The following COL4A6 variants were observed in gnomAD, a reference collection of about 807,000 sequenced individuals.
The protein encoded by COL4A6 is collagen alpha-6(IV) chain.
Under a neutral mutation model 126.7 loss-of-function variants are expected in COL4A6, and 59 were observed. That is an observed-to-expected ratio of 0.47 (90% confidence interval 0.38 to 0.58). COL4A6 has a LOEUF of 0.58. COL4A6 is among the 20% of genes least tolerant of loss of function. The probability of loss-of-function intolerance (pLI) is 0.00; values close to 1 mark genes in which losing one functional copy is unlikely to be tolerated. For missense variants in COL4A6, 1,285 were observed against 1,337.3 expected, an observed-to-expected ratio of 0.96 and a Z score of 0.61; for synonymous variants, 547 against 496.6, an observed-to-expected ratio of 1.10 and a Z score of -1.35.
At chrX:108,245,001 A>AC (rs762602867) in intron 3 of COL4A6, among the ~76,000 whole-genome samples, 7 of 112,416 alleles carry the variant, frequency 6.2e-5, no homozygotes, top group Non-Finnish European at 9.4e-5. Context: ...TCTTGCAAAC[A>AC]ACAACTTGGC....
intron 3 of COL4A6, among the ~76,000 whole-genome samples, chrX:108,284,459 TGAAAAA>T (rs960882264): frequency 1.3e-4 from 14 of 110,864 alleles, no homozygotes; most frequent in South Asian, 3.8e-4. Flanking sequence ...TAAAGTATAA[TGAAAAA>T]GAAAAAGAAA....
At chrX:108,383,698 G>A (rs2040615611) in intron 2 of COL4A6, 1 of 505,073 alleles carries the variant, frequency 2.0e-6, no homozygotes, top group Non-Finnish European at 3.6e-6. Context: ...AGGAGAGAGT[G>A]GTAACTTTAC....
rs181726990 is a variant in COL4A6 at position 108,299,653 on chromosome X, C to T, written c.144+11095G>A. On this transcript the variant is annotated intron_variant, in intron 3 of 44. Coordinates refer to ENST00000334504, the MANE Select transcript of COL4A6 (RefSeq NM_033641.4). ...GCAAAGACATGTACAAGGACAGAGA[C>T]CACAATTTCTTTGATAACCAAACAT... Among the ~76,000 whole-genome samples, 26 of 112,402 alleles carry T rather than the reference C, an allele frequency of 2.3e-4. No homozygotes were observed. The East Asian group carries it at 7.3e-3, about 31-fold the overall frequency.
chrX:108,277,422 C>A (rs1452906521), intron 3 of COL4A6, among the ~76,000 whole-genome samples: 1 of 112,467 alleles, frequency 8.9e-6, no homozygotes, highest in Non-Finnish European at 1.9e-5. Flanking sequence ...CGCAAGGTGG[C>A]AGCGAGGCTG....
intron 8 of COL4A6, among the ~76,000 whole-genome samples, chrX:108,207,244 G>T (rs1246700377): frequency 9.4e-6 from 1 of 106,437 alleles, no homozygotes; most frequent in African/African-American, 3.4e-5. Context: ...ATTAAACACC[G>T]CATGTTCACA....
chrX:108,187,775 T>C (rs1163142420), intron 22 of COL4A6, 73 bp downstream of exon 22: 26 of 998,204 alleles, frequency 2.6e-5, no homozygotes, highest in Non-Finnish European at 3.3e-5. Context: ...CATGGTCCAG[T>C]GGCCATCAGA....
intron 2 of COL4A6, among the ~76,000 whole-genome samples, chrX:108,311,759 C>T (rs374913297): frequency 9.0e-6 from 1 of 111,687 alleles, no homozygotes; most frequent in Non-Finnish European, 1.9e-5. Flanking sequence ...ACCTTTTCAT[C>T]GTTAGACATT....
chrX:108,359,841 G>A (rs1021866053), intron 2 of COL4A6, among the ~76,000 whole-genome samples: 2 of 112,259 alleles, frequency 1.8e-5, no homozygotes, highest in South Asian at 3.7e-4. Flanking sequence ...GGGTAATACC[G>A]CCTACATAAC....
chrX:108,316,080 A>T (rs890793814), intron 2 of COL4A6, among the ~76,000 whole-genome samples: 2 of 112,032 alleles, frequency 1.8e-5, no homozygotes, highest in African/African-American at 6.5e-5. Context: ...GTTGGCAAGG[A>T]TGACAATGAT....
In COL4A6 at chrX:108,162,930, G is replaced by A; in HGVS notation, c.4178C>T (p.Thr1393Ile). The change falls in exon 41 of 45, where the codon ACT (threonine) becomes ATT (isoleucine). Residue 1393 changes from threonine (T) to isoleucine (I), a missense_variant. Physicochemically the swap from Thr to Ile is moderately conservative, Grantham distance 89. Coordinates refer to ENST00000334504, the MANE Select transcript of COL4A6 (RefSeq NM_033641.4). ...LPGIDGIPGL[T>I]GDPGAQGPVG... Reference sequence around the variant, plus strand: ...AGGGCCTTGAGCCCCAGGGTCCCCAGTGAGGCCAGGGATGCCATCGATCCC... The same window carrying A: ...AGGGCCTTGAGCCCCAGGGTCCCCAATGAGGCCAGGGATGCCATCGATCCC... The A allele has an allele frequency of 8.3e-7, 1 of 1,201,269 alleles. No individual in the cohort carries two copies. The highest frequency in any genetic ancestry group is 1.8e-5 in the South Asian group (1 of 55,150).
In COL4A6 at chrX:108,165,036, G is replaced by C. The variant is rs757302174; in HGVS notation, c.3811C>G (p.Arg1271Gly). Residue 1271 changes from arginine to glycine, a missense_variant and splice_region_variant, in exon 39 of 45, where the codon CGC (arginine) becomes GGC (glycine). Transcript: ENST00000334504. The part of the protein sequence containing the change: ...GRPGLDGERG[R>G]PGPAGPPGPP... ...CCTGGGGGTCCAGCGGGGCCTGGGC[G>C]GCCTAGGGATAAGATCGGAAGAGGG... 8 of 1,202,514 alleles carry C rather than the reference G, an allele frequency of 6.7e-6. No homozygotes were observed. In the East Asian group the frequency reaches 1.8e-4, roughly 27 times the overall value.
intron 2 of COL4A6, among the ~76,000 whole-genome samples, chrX:108,337,429 C>T (rs2039457841): frequency 8.9e-6 from 1 of 112,580 alleles, no homozygotes; most frequent in Non-Finnish European, 1.9e-5. Context: ...CATTATAACC[C>T]ATCACTCCAT....
chrX:108,162,416 G>A (rs866345803), intron 41 of COL4A6, among the ~76,000 whole-genome samples: 5 of 102,797 alleles, frequency 4.9e-5, no homozygotes, highest in Non-Finnish European at 1.0e-4. Flanking sequence ...AAGAAGAAGA[G>A]GAAGAAGAAG....
intron 2 of COL4A6, among the ~76,000 whole-genome samples, chrX:108,366,241 C>G (rs766310681): frequency 9.0e-6 from 1 of 111,530 alleles, no homozygotes. Flanking sequence ...CCATTTTACA[C>G]GATGAGGAAA....
At chrX:108,280,287 C>T (rs748333564) in intron 3 of COL4A6, among the ~76,000 whole-genome samples, 1,852 of 110,528 alleles carry the variant, frequency 0.017, 16 homozygotes, top group Middle Eastern at 0.032. Context: ...ATCAAATAGA[C>T]GCAATAAAAA....
intron 3 of COL4A6, among the ~76,000 whole-genome samples, chrX:108,246,025 C>A (rs1003821064): frequency 1.3e-4 from 15 of 111,636 alleles, no homozygotes; most frequent in African/African-American, 4.9e-4. Context: ...ACTTGGGTTC[C>A]TCTGAACTAC....
chrX:108,316,003 C>T (rs1440003689), intron 2 of COL4A6, among the ~76,000 whole-genome samples: 1 of 112,098 alleles, frequency 8.9e-6, no homozygotes, highest in East Asian at 2.8e-4. Context: ...TAAAGAGTTA[C>T]ATCACAGTGC....
intron 8 of COL4A6, among the ~76,000 whole-genome samples, chrX:108,209,178 C>G (rs1331361934): frequency 8.9e-6 from 1 of 112,064 alleles, no homozygotes; most frequent in Non-Finnish European, 1.9e-5. Flanking sequence ...CTCCGTAACT[C>G]TCTATTTAGA....
intron 3 of COL4A6, among the ~76,000 whole-genome samples, chrX:108,251,908 A>G (rs2036859113): frequency 8.9e-6 from 1 of 111,733 alleles, no homozygotes; most frequent in Non-Finnish European, 1.9e-5. Context: ...TCAATCATGT[A>G]TACATTATTT....
Sources: allele counts gnomAD v4.1 joint callset (sites outside exome capture counted in the v4.1 genomes callset), GRCh38; gene constraint gnomAD v4.1.1; transcripts MANE v1.5; gene names NCBI Gene and HGNC (gene_info 2026-07-23, HGNC 2026-07-21).